Variants in CSNK1G3 observed in about 807,000 individuals in gnomAD.
CSNK1G3 encodes casein kinase I isoform gamma-3.
A neutral mutation model predicts 64.3 loss-of-function variants in CSNK1G3; 23 were observed. The observed-to-expected ratio is 0.36, with a 90% CI of 0.26 to 0.51. The LOEUF is 0.51. CSNK1G3 is among the 20% of genes least tolerant of loss of function. CSNK1G3 has a pLI of 0.96. For synonymous variants in CSNK1G3, 158 were observed against 162.2 expected (o/e 0.97, Z 0.20); for missense variants, 357 against 510.5 (o/e 0.70, Z 2.90).
At position 123,577,095 on chromosome 5, in the gene CSNK1G3, A is replaced by G. The variant is rs114139379; in HGVS notation, c.673+1132A>G. ...GATTTGGCCACCCGTTGCTCCTTCA[A>G]GCTGGCTTCTCTGTCCTTTTGACAT... On this transcript the variant is annotated intron_variant, in intron 6 of 12. Transcript: ENST00000345990. 8.5e-3 allele frequency among the ~76,000 whole-genome samples: 1,300 copies of G among 152,206 alleles called. 21 individuals are homozygous for G. The highest frequency in any genetic ancestry group is 0.03 in the African/African-American group (1,248 of 41,556).
At chr5:123,527,251 T>A (rs1430623020) in intron 1 of CSNK1G3, among the ~76,000 whole-genome samples, 1 of 152,204 alleles carries the variant, frequency 6.6e-6, no homozygotes, top group East Asian at 1.9e-4. Flanking sequence ...GTTCAAGTAA[T>A]GTAGCCCTGA....
At chr5:123,583,481 C>G (rs1198704831) in intron 6 of CSNK1G3, among the ~76,000 whole-genome samples, 2 of 152,204 alleles carry the variant, frequency 1.3e-5, no homozygotes, top group African/African-American at 4.8e-5. Context: ...CTGCCTCAGC[C>G]TCCCGAGTAG....
At chr5:123,600,547 C>G (rs1268032704) in intron 10 of CSNK1G3, among the ~76,000 whole-genome samples, 1 of 151,660 alleles carries the variant, frequency 6.6e-6, no homozygotes, top group Non-Finnish European at 1.5e-5. Context: ...ATCGCTTGAA[C>G]CCGGGAGGTG....
chr5:123,616,860 T>A (rs1749534255), exon 13 of CSNK1G3: 1 of 152,202 alleles, frequency 6.6e-6, no homozygotes, highest in African/African-American at 2.4e-5. Flanking sequence ...GTTTATTTAG[T>A]CTGTTATATA....
chr5:123,608,049 C>A (rs1795665930), intron 12 of CSNK1G3, among the ~76,000 whole-genome samples: 1 of 151,954 alleles, frequency 6.6e-6, no homozygotes, highest in Non-Finnish European at 1.5e-5. Flanking sequence ...CCTGCCCCAG[C>A]CCCCCCAGTA....
At chr5:123,607,459 G>A (rs527967061) in intron 12 of CSNK1G3, among the ~76,000 whole-genome samples, 1 of 152,172 alleles carries the variant, frequency 6.6e-6, no homozygotes, top group South Asian at 2.1e-4. Flanking sequence ...ATAAAGAAAT[G>A]AAATTGAAAA....
chr5:123,560,058 A>G (rs1167566709), intron 4 of CSNK1G3, among the ~76,000 whole-genome samples: 4 of 152,130 alleles, frequency 2.6e-5, no homozygotes, highest in African/African-American at 9.7e-5. Flanking sequence ...TGAAAAATGG[A>G]CAAAGGACTT....
intron 6 of CSNK1G3, among the ~76,000 whole-genome samples, chr5:123,584,859 A>G (rs1791013436): frequency 6.6e-6 from 1 of 152,134 alleles, no homozygotes; most frequent in Non-Finnish European, 1.5e-5. Context: ...TTTACATGTA[A>G]GTTGTTTCGT....
At chr5:123,574,644 G>A (rs1272292510) in intron 5 of CSNK1G3, among the ~76,000 whole-genome samples, 2 of 151,762 alleles carry the variant, frequency 1.3e-5, no homozygotes, top group Non-Finnish European at 2.9e-5. Flanking sequence ...AACATAGTGT[G>A]ACTCTGTCTC....
At chr5:123,557,661 A>G (rs1427393723) in intron 4 of CSNK1G3, 97 bp downstream of exon 4, 8 of 753,768 alleles carry the variant, frequency 1.1e-5, no homozygotes, top group African/African-American at 3.6e-5. Flanking sequence ...TAAGGAAATC[A>G]CTTTGCAAGG....
At chr5:123,528,386 A>AC in intron 1 of CSNK1G3, among the ~76,000 whole-genome samples, 2 of 152,296 alleles carry the variant, frequency 1.3e-5, no homozygotes, top group East Asian at 3.9e-4. Flanking sequence ...GAGGTTGTTC[A>AC]TTCATTTATT....
rs980365150 is a variant in CSNK1G3, at chr5:123,614,330, C to T, written c.1218-12C>T. ...GCTTTTAAAATAAAAAGAGTGTTTCCCTCATCTGCAGGTGCTGCTGTTTTT... is the reference window on the plus strand; with the variant it reads ...GCTTTTAAAATAAAAAGAGTGTTTCTCTCATCTGCAGGTGCTGCTGTTTTT... On this transcript the variant is annotated splice_polypyrimidine_tract_variant and intron_variant, in intron 12 of 12. Transcript: ENST00000345990. 6 of 1,610,070 alleles carry T rather than the reference C, an allele frequency of 3.7e-6. No individual in the cohort carries two copies. The highest frequency in any genetic ancestry group is 1.1e-5 in the South Asian group (1 of 90,314).
At chr5:123,611,143 A>T (rs1763963821) in intron 12 of CSNK1G3, among the ~76,000 whole-genome samples, 1 of 152,228 alleles carries the variant, frequency 6.6e-6, no homozygotes, top group South Asian at 2.1e-4. Context: ...CTAAGACTAT[A>T]AATTAGCTGT....
intron 12 of CSNK1G3, among the ~76,000 whole-genome samples, chr5:123,608,315 A>G (rs978943684): frequency 1.3e-5 from 2 of 152,140 alleles, no homozygotes; most frequent in East Asian, 3.8e-4. Flanking sequence ...ATTGGGGTAA[A>G]TACTTGATTT....
chr5:123,614,226 CTGTT>C, intron 12 of CSNK1G3, 112 bp from the exon 14 acceptor site: 1 of 853,094 alleles, frequency 1.2e-6, no homozygotes, highest in South Asian at 1.8e-5. Flanking sequence ...GGTGTAATCA[CTGTT>C]TATCTTGCAC....
At chr5:123,524,768 G>A (rs7731839) in intron 1 of CSNK1G3, among the ~76,000 whole-genome samples, 91,317 of 152,066 alleles carry the variant, frequency 0.6, 28,605 homozygotes, top group African/African-American at 0.78. Context: ...ATAGTTTTCT[G>A]AAGAGGACCT....
chr5:123,608,048 G>C lies in CSNK1G3; in HGVS notation c.1217+2686G>C, dbSNP rs78729824. Among the ~76,000 whole-genome samples, 1,200 of 152,006 alleles carry C rather than the reference G, an allele frequency of 7.9e-3. 16 individuals carry two copies. Among genetic ancestry groups the C allele is most frequent in the African/African-American group, 0.028 (1,148 of 41,472 alleles). ...GGGCTCAAGTGATTTTCCTGCCCCA[G>C]CCCCCCCAGTAGGTGGGACTATAGG... On this transcript the variant is annotated intron_variant, in intron 12 of 12. Transcript: ENST00000345990.
chr5:123,536,233 A>G (rs997430792), intron 1 of CSNK1G3, among the ~76,000 whole-genome samples: 1 of 152,080 alleles, frequency 6.6e-6, no homozygotes, highest in Non-Finnish European at 1.5e-5. Context: ...GGCAGGTGGG[A>G]TGGAAGACAA....
At chr5:123,522,486 G>A (rs1453254870) in intron 1 of CSNK1G3, among the ~76,000 whole-genome samples, 1 of 145,168 alleles carries the variant, frequency 6.9e-6, no homozygotes, top group Non-Finnish European at 1.5e-5. Context: ...CTAGGCAATA[G>A]AGCGAGATTC....
Sources: allele counts gnomAD v4.1 joint callset (sites outside exome capture counted in the v4.1 genomes callset), GRCh38; gene constraint gnomAD v4.1.1; transcripts MANE v1.5; gene names NCBI Gene and HGNC (gene_info 2026-07-23, HGNC 2026-07-21).